The following TM4SF1 variants were observed in gnomAD, a reference collection of about 807,000 sequenced individuals.
TM4SF1 encodes transmembrane 4 L6 family member 1.
A neutral mutation model predicts 24.5 loss-of-function variants in TM4SF1; 20 were observed. That is an observed-to-expected ratio of 0.82 (90% CI 0.57 to 1.19). The LOEUF (loss-of-function observed/expected upper bound fraction) is 1.19. TM4SF1 is among the 50% of genes most tolerant of loss of function. The probability of loss-of-function intolerance (pLI) is 0.00; values close to 1 mark genes in which losing one functional copy is unlikely to be tolerated. For missense variants in TM4SF1, 258 were observed against 248.1 expected, an observed-to-expected ratio of 1.04 and a Z score of -0.27; for synonymous variants, 107 against 95.4, an observed-to-expected ratio of 1.12 and a Z score of -0.71.
Position 149,377,624 on chromosome 3 carries a change from T to C in TM4SF1, c.-77A>G. On this transcript the variant is annotated 5_prime_UTR_variant, in exon 1 of 5. Transcript: ENST00000305366. ...CCCCAAATTAGATGAAAGTGTGCCC[T>C]TCTGGTGGAGAAAGCAAACACCACT... is the stretch of plus-strand genomic sequence containing the variant. 3 of 1,533,410 alleles carry C rather than the reference T, an allele frequency of 2.0e-6. No individual in the cohort carries two copies. The South Asian group carries it at 3.9e-5, about 20-fold the overall frequency. The allele number at this position is 1,533,410 out of a possible 1,614,324, so 95.0% of individuals were successfully genotyped here.
rs1576847070 is a variant in TM4SF1 at position 149,369,757 on chromosome 3, T to C, written c.*109A>G. 2.2e-6 allele frequency: 3 copies of C among 1,381,202 alleles called. No individual in the cohort carries two copies. In the East Asian group the frequency reaches 7.2e-5, roughly 33 times the overall value. 85.6% of individuals were successfully genotyped at this position (1,381,202 alleles called of 1,614,324 possible). A position where few individuals can be genotyped will look rare whatever the true frequency, so the allele number is the denominator to read the frequency against. On this transcript the variant is annotated 3_prime_UTR_variant, in exon 5 of 5. Transcript: ENST00000305366. ...TTTACAGGCGTTTGTAAAAGTAGAC[T>C]GTGGGGAGTATGTTACACTAATACA...
chr3:149,369,237 T>A lies in TM4SF1; in HGVS notation c.*629A>T, dbSNP rs902795425. The A allele has an allele frequency of 2.0e-5, 3 of 152,318 alleles. No individual in the cohort carries two copies. Among genetic ancestry groups the A allele is most frequent in the Non-Finnish European group, 4.4e-5 (3 of 68,148 alleles). 9.4% of individuals were successfully genotyped at this position (152,318 alleles called of 1,614,324 possible). A position where few individuals can be genotyped will look rare whatever the true frequency, so the allele number is the denominator to read the frequency against. On this transcript the variant is annotated 3_prime_UTR_variant, in exon 5 of 5. Coordinates refer to ENST00000305366, the MANE Select transcript of TM4SF1 (RefSeq NM_014220.3). ...TGGAGGACAAAAGGCTTTCCATATG[T>A]TAGAAAAATTTGAATCTCATAGTAC...
intron 3 of TM4SF1, among the ~76,000 whole-genome samples, chr3:149,372,163 T>C (rs115817835): frequency 0.027 from 4,040 of 152,226 alleles, 163 homozygotes; most frequent in African/African-American, 0.092. Flanking sequence ...TGAATTCTTA[T>C]AAACAAAAAT....
intron 3 of TM4SF1, among the ~76,000 whole-genome samples, chr3:149,372,936 G>C (rs1043755211): frequency 1.3e-5 from 2 of 152,164 alleles, no homozygotes; most frequent in Non-Finnish European, 1.5e-5. Context: ...CACAGGGCAC[G>C]GGCTCTGTCC....
In TM4SF1 at chr3:149,375,719, A is replaced by G; in HGVS notation, c.228T>C (p.Cys76=). The change falls in exon 2 of 5, where the codon TGT becomes TGC. Residue 76 remains cysteine (C), a synonymous_variant. Coordinates refer to ENST00000305366, the MANE Select transcript of TM4SF1 (RefSeq NM_014220.3). ...CACAGTTTTCATGGCCACAGCAGCC[A>G]CAGCAGTCATCCTGTTCCAGCCCAA... ...VFIGLEQDDC[C]GCCGHENCGK... 1 of 1,614,250 alleles carries G rather than the reference A, an allele frequency of 6.2e-7. No individual in the cohort carries two copies. The highest frequency in any genetic ancestry group is 8.5e-7 in the Non-Finnish European group (1 of 1,180,038).
chr3:149,375,662 C>A lies in TM4SF1; in HGVS notation c.267+18G>T. On this transcript the variant is annotated intron_variant, in intron 2 of 4. Transcript: ENST00000305366. ...ACATCTTAGGAGTCATTTTCACCAC[C>A]AGGGCAGGAGGACCTACCGCACATC... is the stretch of plus-strand genomic sequence containing the variant. 1 of 1,614,176 alleles carries A rather than the reference C, an allele frequency of 6.2e-7. No homozygotes were observed. The highest frequency in any genetic ancestry group is 8.5e-7 in the Non-Finnish European group (1 of 1,180,012).
rs1180314718 is a variant in TM4SF1, at chr3:149,369,123, C to G, written c.*743G>C. On this transcript the variant is annotated 3_prime_UTR_variant, in exon 5 of 5. Transcript: ENST00000305366. Reference sequence around the variant, plus strand: ...GTCCCCATGTTCCAATGATGCTGATCAACTGCTTTATTCAGTTTCCCATCT... The same window carrying G: ...GTCCCCATGTTCCAATGATGCTGATGAACTGCTTTATTCAGTTTCCCATCT... The G allele has an allele frequency of 6.6e-6, 1 of 152,202 alleles. No individual in the cohort carries two copies. The highest frequency in any genetic ancestry group is 1.5e-5 in the Non-Finnish European group (1 of 68,048). 9.4% of individuals were successfully genotyped at this position (152,202 alleles called of 1,614,324 possible). A position where few individuals can be genotyped will look rare whatever the true frequency, so the allele number is the denominator to read the frequency against.
rs1271264119 is a variant in TM4SF1, at chr3:149,375,771, T to G, written c.178-2A>C. 9.9e-6 allele frequency: 16 copies of G among 1,614,054 alleles called. No individual in the cohort carries two copies. The highest frequency in any genetic ancestry group is 1.3e-5 in the Non-Finnish European group (15 of 1,180,014). ...GAAGACAAATGCTGGCAGGAGCATC[T>G]GGTTAGGAAACAAACAAAGTCAGGT... On this transcript the variant is annotated splice_acceptor_variant, in intron 1 of 4. Coordinates refer to ENST00000305366, the MANE Select transcript of TM4SF1 (RefSeq NM_014220.3). LOFTEE classifies it high-confidence loss of function.
rs775639669 is a variant in TM4SF1 at position 149,377,371 on chromosome 3, C to T, written c.177G>A (p.Leu59=). 1 of 1,611,806 alleles carries T rather than the reference C, an allele frequency of 6.2e-7. No homozygotes were observed. Among genetic ancestry groups the T allele is most frequent in the African/African-American group, 1.3e-5 (1 of 74,836 alleles). The change falls in exon 1 of 5, where the codon CTG becomes CTA. Residue 59 remains leucine (L), a splice_region_variant and synonymous_variant. Transcript: ENST00000305366. ...TCAGTAATAATCCTGAATGACTTAC[C>T]AGCAGGCCACCTCCTACGATGCCAG... The part of the protein sequence containing the change: ...FFSGIVGGGL[L]MLLPAFVFIG...
intron 4 of TM4SF1, chr3:149,371,074 G>A (rs1731810479): frequency 1.3e-5 from 2 of 152,320 alleles, no homozygotes; most frequent in South Asian, 4.1e-4. Flanking sequence ...ATGAGCTGCT[G>A]TTCAAAGATT....
intron 1 of TM4SF1, 132 bp downstream of exon 1, chr3:149,377,239 T>C: frequency 8.6e-7 from 1 of 1,165,248 alleles, no homozygotes. Flanking sequence ...TAATCTGCTT[T>C]CAAAGGAATG....
chr3:149,369,655 AAAAAAC>A lies in TM4SF1; in HGVS notation c.*205_*210del. On this transcript the variant is annotated 3_prime_UTR_variant, in exon 5 of 5. Coordinates refer to ENST00000305366, the MANE Select transcript of TM4SF1 (RefSeq NM_014220.3). ...GTGGTTTGTTTCCTCATTCCTTAAA[AAAAAAC>A]AAAAACAAATAAACAAACAAAAAAG... 6.7e-6 allele frequency: 4 copies of A among 593,540 alleles called. No homozygotes were observed. The South Asian group carries it at 9.1e-5, about 14-fold the overall frequency. 36.8% of individuals were successfully genotyped at this position (593,540 alleles called of 1,614,324 possible).
At chr3:149,376,778 C>T (rs1159189191) in intron 1 of TM4SF1, among the ~76,000 whole-genome samples, 4 of 152,176 alleles carry the variant, frequency 2.6e-5, no homozygotes, top group African/African-American at 9.6e-5. Flanking sequence ...CCTCTCACTT[C>T]AATCAAAAAC....
At chr3:149,375,121 C>T (rs569901877) in intron 3 of TM4SF1, among the ~76,000 whole-genome samples, 1 of 151,978 alleles carries the variant, frequency 6.6e-6, no homozygotes, top group Non-Finnish European at 1.5e-5. Flanking sequence ...AGGGGTATTG[C>T]TTGAGCTCAG....
Position 149,371,594 on chromosome 3 carries a change from C to T in TM4SF1, c.594+93G>A, listed in dbSNP as rs74369556. 2,800 of 1,289,200 alleles carry T rather than the reference C, an allele frequency of 2.2e-3. 60 individuals carry two copies. The African/African-American group carries it at 0.036, about 17-fold the overall frequency. The allele number at this position is 1,289,200 out of a possible 1,614,324, so 79.9% of individuals were successfully genotyped here. A position where few individuals can be genotyped will look rare whatever the true frequency, so the allele number is the denominator to read the frequency against. On this transcript the variant is annotated intron_variant, in intron 4 of 4. Coordinates refer to ENST00000305366, the MANE Select transcript of TM4SF1 (RefSeq NM_014220.3). ...GATATCAGAATAAATGCTGGTAGGTCGAGCATGTTTGGTTTTGCCTTTTTC... is the reference window on the plus strand; with the variant it reads ...GATATCAGAATAAATGCTGGTAGGTTGAGCATGTTTGGTTTTGCCTTTTTC...
chr3:149,371,751 C>T lies in TM4SF1; in HGVS notation c.530G>A (p.Cys177Tyr). ...LALGGIEFIL[C>Y]LIQVINGVLG... ...CACTCCATTTATTACTTGAATAAGACACAAGATGAATTCAATTCCACCAAG... is the reference window on the plus strand; with the variant it reads ...CACTCCATTTATTACTTGAATAAGATACAAGATGAATTCAATTCCACCAAG... Residue 177 changes from cysteine to tyrosine, a missense_variant, in exon 4 of 5, where the codon TGT (cysteine) becomes TAT (tyrosine). Transcript: ENST00000305366. The T allele has an allele frequency of 6.2e-7, 1 of 1,614,030 alleles. No homozygotes were observed. The highest frequency in any genetic ancestry group is 8.5e-7 in the Non-Finnish European group (1 of 1,180,002).
intron 4 of TM4SF1, 30 bp from the exon 5 acceptor site, chr3:149,369,910 A>G (rs757143965): frequency 6.3e-7 from 1 of 1,596,094 alleles, no homozygotes; most frequent in South Asian, 1.1e-5. Context: ...CCATTAGGCT[A>G]TAATCAGGAT....
chr3:149,369,651 TAAAA>T lies in TM4SF1; in HGVS notation c.*211_*214del. ...GAGGGTGGTTTGTTTCCTCATTCCT[TAAAA>T]AAAAACAAAAACAAATAAACAAACA... On this transcript the variant is annotated 3_prime_UTR_variant, in exon 5 of 5. Transcript: ENST00000305366. The T allele has an allele frequency of 2.0e-6, 1 of 509,188 alleles. No homozygotes were observed. Among genetic ancestry groups the T allele is most frequent in the Non-Finnish European group, 3.3e-6 (1 of 303,708 alleles). The allele number at this position is 509,188 out of a possible 1,614,324, so 31.5% of individuals were successfully genotyped here.
intron 3 of TM4SF1, among the ~76,000 whole-genome samples, chr3:149,373,098 A>G (rs1213671655): frequency 2.0e-5 from 3 of 152,244 alleles, no homozygotes; most frequent in African/African-American, 4.8e-5. Flanking sequence ...CTATTCAATA[A>G]GGCTGAGCTC....
Sources: allele counts gnomAD v4.1 joint callset (sites outside exome capture counted in the v4.1 genomes callset), GRCh38; gene constraint gnomAD v4.1.1; transcripts MANE v1.5; gene names NCBI Gene and HGNC (gene_info 2026-07-23, HGNC 2026-07-21).